DISP1: variants seen among roughly 807,000 people sequenced by gnomAD.
The protein encoded by DISP1 is protein dispatched homolog 1.
DISP1 carries 30 observed loss-of-function variants against 37.3 expected under a neutral mutation model. That is an observed-to-expected ratio of 0.80 (90% CI 0.60 to 1.09). The LOEUF (loss-of-function observed/expected upper bound fraction) is 1.09, where lower values mean the gene tolerates loss of function less well. DISP1 is among the 50% of genes least tolerant of loss of function. The pLI, the probability that DISP1 is intolerant of heterozygous loss-of-function variation, is 0.00. For synonymous variants in DISP1, 634 were observed against 690.2 expected (o/e 0.92, Z 1.28); for missense variants, 1,598 against 1,879.5 (o/e 0.85, Z 2.77).
intron 2 of DISP1, among the ~76,000 whole-genome samples, chr1:222,928,845 T>C (rs761021041): frequency 1.3e-5 from 2 of 152,146 alleles, no homozygotes; most frequent in Non-Finnish European, 2.9e-5. Flanking sequence ...CTTTGTGAAG[T>C]TGGAAGGAAA....
chr1:222,843,135 A>G (rs1357683575), intron 1 of DISP1, among the ~76,000 whole-genome samples: 3 of 152,006 alleles, frequency 2.0e-5, no homozygotes, highest in Non-Finnish European at 4.4e-5. Flanking sequence ...GGTAAACCTC[A>G]TTAATTTTGA....
chr1:222,870,800 T>C (rs1572387669), intron 1 of DISP1, among the ~76,000 whole-genome samples: 1 of 152,374 alleles, frequency 6.6e-6, no homozygotes, highest in East Asian at 1.9e-4. Flanking sequence ...TTTAATTAGA[T>C]GCCATTTGTC....
At chr1:222,930,198 A>G (rs746396986) in intron 2 of DISP1, among the ~76,000 whole-genome samples, 1 of 152,092 alleles carries the variant, frequency 6.6e-6, no homozygotes, top group Admixed American at 6.5e-5. Context: ...CTTCTGTTCT[A>G]ACTGCTTTGA....
rs753047329 is a variant in DISP1, at chr1:223,005,293, C to T, written c.3896C>T (p.Ser1299Phe). The T allele has an allele frequency of 8.1e-6, 13 of 1,613,676 alleles. No individual in the cohort carries two copies. Among genetic ancestry groups the T allele is most frequent in the African/African-American group, 1.3e-5 (1 of 74,924 alleles). Residue 1299 changes from serine to phenylalanine, a missense_variant, in exon 9 of 9, where the codon TCT becomes TTT. By Grantham distance (155) the Ser-to-Phe change is radical. Transcript: ENST00000675850. ...GGGGACTGCTTGTGCCACCAGTGCTCTCCTACCACTAGCAGCTTTGTCCAG... is the reference window on the plus strand; with the variant it reads ...GGGGACTGCTTGTGCCACCAGTGCTTTCCTACCACTAGCAGCTTTGTCCAG... The part of the protein sequence containing the change: ...QMGDCLCHQC[S>F]PTTSSFVQIQ...
In DISP1 at chr1:223,002,876, C is replaced by T. The variant is rs1679571335; in HGVS notation, c.1479C>T (p.His493=). The part of the protein sequence containing the change: ...TITGIEFGIK[H]SLFQDYLLMD... The stretch of plus-strand genomic sequence containing the variant: ...CCGGGATTGAGTTTGGTATCAAACA[C>T]AGTTTGTTTCAGGATTATCTTCTAA... The change falls in exon 9 of 9, where the codon CAC becomes CAT. Residue 493 remains histidine, a synonymous_variant. Coordinates refer to ENST00000675850, the MANE Select transcript of DISP1 (RefSeq NM_001377229.1). 6.2e-7 allele frequency: 1 copy of T among 1,613,918 alleles called. No individual in the cohort carries two copies. The highest frequency in any genetic ancestry group is 1.7e-5 in the Admixed American group (1 of 60,020).
At chr1:222,933,580 T>C (rs966783111) in intron 2 of DISP1, among the ~76,000 whole-genome samples, 1 of 151,996 alleles carries the variant, frequency 6.6e-6, no homozygotes, top group Non-Finnish European at 1.5e-5. Flanking sequence ...TCTTCAAATA[T>C]ATAATGTTTG....
rs779331685 is a variant in DISP1, at chr1:223,005,808, G to C, written c.4411G>C (p.Ala1471Pro). The part of the protein sequence containing the change: ...KVLFNHLMGE[A>P]GCRSCPNNSQ... ...CCTATTTAATCATTTAATGGGGGAG[G>C]CTGGTTGTAGGTCTTGCCCAAATAA... The change falls in exon 9 of 9, where the codon GCT becomes CCT. Residue 1471 changes from alanine to proline, a missense_variant. Transcript: ENST00000675850. The C allele has an allele frequency of 1.2e-6, 2 of 1,614,196 alleles. No homozygotes were observed. The highest frequency in any genetic ancestry group is 3.3e-5 in the Admixed American group (2 of 60,022).
chr1:222,942,843 A>G lies in DISP1; in HGVS notation c.20A>G (p.Asn7Ser), dbSNP rs1264371062. Residue 7 changes from asparagine (N) to serine (S), a missense_variant, in exon 3 of 9, where the codon AAC becomes AGC. Transcript: ENST00000675850. MAMSNGNNDFVVLSNSS... is the reference protein window; with the variant it reads MAMSNGSNDFVVLSNSS... The stretch of plus-strand genomic sequence containing the variant: ...TGGAGCATGGCTATGAGCAATGGAA[A>G]CAATGATTTTGTGGTTCTGAGCAAC... 1.2e-6 allele frequency: 2 copies of G among 1,614,066 alleles called. No individual in the cohort carries two copies. Among genetic ancestry groups the G allele is most frequent in the African/African-American group, 2.7e-5 (2 of 74,918 alleles).
Position 223,004,884 on chromosome 1 carries a change from A to C in DISP1, c.3487A>C (p.Ser1163Arg). The C allele has an allele frequency of 6.2e-7, 1 of 1,609,212 alleles. No individual in the cohort carries two copies. Among genetic ancestry groups the C allele is most frequent in the Non-Finnish European group, 8.5e-7 (1 of 1,180,002 alleles). Residue 1163 changes from serine (S) to arginine (R), a missense_variant, in exon 9 of 9, where the codon AGT becomes CGT. By Grantham distance (110) the Ser-to-Arg change is moderately radical. Coordinates refer to ENST00000675850, the MANE Select transcript of DISP1 (RefSeq NM_001377229.1). The surrounding 1 kb of genome is among the most constrained non-coding windows in gnomAD (Gnocchi z 4.9). Reference sequence around the variant, plus strand: ...TTCCCATGCCTTGTCTACAAGTCCCAGTGACAAGGGACAAAGCAAAACACA... The same window carrying C: ...TTCCCATGCCTTGTCTACAAGTCCCCGTGACAAGGGACAAAGCAAAACACA... The part of the protein sequence containing the change: ...AFSHALSTSP[S>R]DKGQSKTHTI...
At chr1:222,966,408 T>C (rs1386239648) in intron 3 of DISP1, among the ~76,000 whole-genome samples, 2 of 152,198 alleles carry the variant, frequency 1.3e-5, no homozygotes, top group Non-Finnish European at 2.9e-5. Context: ...TCATAAGTCA[T>C]TGGAAAAGGT....
At chr1:222,907,704 C>T (rs1029272269) in intron 1 of DISP1, among the ~76,000 whole-genome samples, 1 of 152,188 alleles carries the variant, frequency 6.6e-6, no homozygotes, top group Admixed American at 6.5e-5. Flanking sequence ...GTAATCCCAG[C>T]ACTTTGGGAG....
chr1:222,898,667 G>A (rs1048040167), intron 1 of DISP1, among the ~76,000 whole-genome samples: 2 of 151,316 alleles, frequency 1.3e-5, no homozygotes, highest in African/African-American at 4.9e-5. Flanking sequence ...GAAATTTTTT[G>A]AATTAAAAGA....
intron 1 of DISP1, among the ~76,000 whole-genome samples, chr1:222,836,444 TGACA>T (rs901152960): frequency 2.0e-5 from 3 of 152,200 alleles, no homozygotes; most frequent in Non-Finnish European, 4.4e-5. Context: ...ACTATAATTA[TGACA>T]GACAAACTTT....
chr1:222,847,693 C>T (rs919690176), intron 1 of DISP1, among the ~76,000 whole-genome samples: 1 of 151,950 alleles, frequency 6.6e-6, no homozygotes, highest in African/African-American at 2.4e-5. Context: ...ATATTTTGCT[C>T]CAAGACACAC....
intron 1 of DISP1, among the ~76,000 whole-genome samples, chr1:222,834,888 T>A (rs1357128329): frequency 6.6e-6 from 1 of 152,126 alleles, no homozygotes; most frequent in Non-Finnish European, 1.5e-5. Context: ...GAGTTGTTGT[T>A]AGGATGCAAA....
At chr1:222,946,611 A>T (rs918740810) in intron 3 of DISP1, among the ~76,000 whole-genome samples, 6 of 152,204 alleles carry the variant, frequency 3.9e-5, no homozygotes, top group African/African-American at 1.2e-4. Flanking sequence ...ATTCCAAACA[A>T]GTTGAGACAT....
intron 1 of DISP1, among the ~76,000 whole-genome samples, chr1:222,850,101 G>A (rs1668137990): frequency 1.3e-5 from 2 of 152,052 alleles, no homozygotes; most frequent in African/African-American, 4.8e-5. Flanking sequence ...AAGCCCCATA[G>A]GGTTTCTGTG....
At position 222,923,969 on chromosome 1, in the gene DISP1, C is replaced by T. The variant is rs564536884; in HGVS notation, c.-158-4461C>T. ...AGGACATGGATAAAGACTCTAGAGCCACGAGGTCATAAGGGTGAATATGTC... is the reference window on the plus strand; with the variant it reads ...AGGACATGGATAAAGACTCTAGAGCTACGAGGTCATAAGGGTGAATATGTC... On this transcript the variant is annotated intron_variant, in intron 1 of 8. Transcript: ENST00000675850. 6.6e-5 allele frequency among the ~76,000 whole-genome samples: 10 copies of T among 152,118 alleles called. No individual in the cohort carries two copies. In the East Asian group the frequency reaches 1.9e-3, roughly 29 times the overall value.
At chr1:222,950,615 A>T (rs905385004) in intron 3 of DISP1, among the ~76,000 whole-genome samples, 10 of 151,148 alleles carry the variant, frequency 6.6e-5, no homozygotes, top group African/African-American at 2.2e-4. Context: ...AAAAAAACCC[A>T]TGTGAGAAAG....
Sources: allele counts gnomAD v4.1 joint callset (sites outside exome capture counted in the v4.1 genomes callset), GRCh38; gene constraint gnomAD v4.1.1; non-coding constraint Gnocchi (gnomAD v3.1); transcripts MANE v1.5; gene names NCBI Gene and HGNC (gene_info 2026-07-23, HGNC 2026-07-21).